The following NBAS variants were observed in gnomAD, a reference collection of about 807,000 sequenced individuals.
The protein encoded by NBAS is NAG/BC035112 fusion.
Under a neutral mutation model 302.5 loss-of-function variants are expected in NBAS, and 219 were observed. That is an observed-to-expected ratio of 0.72 (90% CI 0.65 to 0.81). The LOEUF (loss-of-function observed/expected upper bound fraction) is 0.81. NBAS is among the 30% of genes least tolerant of loss of function. The pLI is 0.00. For missense variants in NBAS, 2,932 were observed against 2,841.6 expected, an observed-to-expected ratio of 1.03 and a Z score of -0.72; for synonymous variants, 1,118 against 1,021.6, an observed-to-expected ratio of 1.09 and a Z score of -1.80.
the NBAS span, among the ~76,000 whole-genome samples, chr2:14,865,646 T>G: frequency 6.6e-6 from 1 of 152,214 alleles, no homozygotes; most frequent in Non-Finnish European, 1.5e-5. Context: ...ATTGTTTTGT[T>G]TTGTTCATTA....
intron 26 of NBAS, chr2:15,397,615 C>T (rs1470368435): frequency 5.0e-6 from 3 of 596,092 alleles, no homozygotes; most frequent in African/African-American, 1.9e-5. Flanking sequence ...CAAAGACGCT[C>T]GCTTCAGAAA....
chr2:14,818,174 G>C, the NBAS span, among the ~76,000 whole-genome samples: 1 of 152,198 alleles, frequency 6.6e-6, no homozygotes, highest in South Asian at 2.1e-4. Context: ...ATGGAACCAT[G>C]GTTTCTTTAG....
chr2:14,784,187 G>A, the NBAS span, among the ~76,000 whole-genome samples: 19 of 152,080 alleles, frequency 1.2e-4, no homozygotes, highest in East Asian at 1.5e-3. Context: ...TTGTAAATTC[G>A]TTTGAGTTCA....
intron 22 of NBAS, among the ~76,000 whole-genome samples, chr2:15,426,107 C>G (rs770148397): frequency 6.6e-6 from 1 of 152,186 alleles, no homozygotes; most frequent in Non-Finnish European, 1.5e-5. Flanking sequence ...ATTTTATAAA[C>G]CTTTAGGTGT....
chr2:15,344,476 C>T (rs1054330311), intron 35 of NBAS, among the ~76,000 whole-genome samples: 10 of 152,052 alleles, frequency 6.6e-5, no homozygotes, highest in African/African-American at 2.4e-4. Context: ...AGGTGAATCC[C>T]GGAAATAGAC....
At chr2:15,078,507 G>A in the NBAS span, among the ~76,000 whole-genome samples, 13 of 152,286 alleles carry the variant, frequency 8.5e-5, no homozygotes, top group South Asian at 6.2e-4. Context: ...GAAAGGAAGC[G>A]CTTCCATTTG....
At chr2:14,959,967 G>T in the NBAS span, among the ~76,000 whole-genome samples, 1 of 152,066 alleles carries the variant, frequency 6.6e-6, no homozygotes, top group Admixed American at 6.5e-5. Context: ...CTGTTTCCTT[G>T]GTAGCCCTGA....
At chr2:15,106,986 G>C in the NBAS span, among the ~76,000 whole-genome samples, 1 of 152,144 alleles carries the variant, frequency 6.6e-6, no homozygotes, top group South Asian at 2.1e-4. Context: ...AGTTATTTGA[G>C]GGCTGCTTCC....
At chr2:15,024,076 T>A in the NBAS span, among the ~76,000 whole-genome samples, 1 of 152,050 alleles carries the variant, frequency 6.6e-6, no homozygotes, top group Non-Finnish European at 1.5e-5. Flanking sequence ...ACTCGGATAG[T>A]CATAGTACCC....
In NBAS at chr2:15,447,633, A is replaced by C. The variant is rs115858864; in HGVS notation, c.2339+13568T>G. 2.8e-3 allele frequency among the ~76,000 whole-genome samples: 432 copies of C among 152,322 alleles called. 2 individuals carry two copies. The highest frequency in any genetic ancestry group is 0.01 in the Middle Eastern group (3 of 294). On this transcript the variant is annotated intron_variant, in intron 21 of 51. Coordinates refer to ENST00000281513, the MANE Select transcript of NBAS (RefSeq NM_015909.4). ...ATTTTCCCGTATCCATAATTCAATT[A>C]AAAGTGAAATTTAAAACCTCAACTT...
the NBAS span, among the ~76,000 whole-genome samples, chr2:15,013,728 G>T: frequency 2.0e-5 from 3 of 152,152 alleles, no homozygotes; most frequent in Admixed American, 6.5e-5. Flanking sequence ...AGGCTGCAGT[G>T]AGCTGAGATC....
intron 36 of NBAS, among the ~76,000 whole-genome samples, chr2:15,328,883 C>T (rs1238747138): frequency 6.6e-6 from 1 of 152,164 alleles, no homozygotes; most frequent in East Asian, 1.9e-4. Context: ...AGGGTCCTGC[C>T]ATGCCGACTG....
the NBAS span, among the ~76,000 whole-genome samples, chr2:15,034,276 G>GAC: frequency 1.2e-5 from 1 of 81,892 alleles, no homozygotes; most frequent in East Asian, 2.8e-4. Flanking sequence ...AAGAAAGAAA[G>GAC]AGAGAAAGAA....
chr2:15,500,176 A>T (rs1267344788), intron 11 of NBAS, among the ~76,000 whole-genome samples: 1 of 152,212 alleles, frequency 6.6e-6, no homozygotes, highest in Non-Finnish European at 1.5e-5. Flanking sequence ...TAATAGAATT[A>T]AAAATGAGTG....
chr2:15,232,392 A>C (rs749332306), intron 47 of NBAS, 30 bp downstream of exon 47: 2 of 1,596,260 alleles, frequency 1.3e-6, no homozygotes, highest in South Asian at 1.1e-5. Flanking sequence ...AAGCCAGTTA[A>C]TGAAGATGCA....
chr2:14,952,132 T>A, the NBAS span, among the ~76,000 whole-genome samples: 1 of 152,182 alleles, frequency 6.6e-6, no homozygotes, highest in Admixed American at 6.5e-5. Context: ...GCTCAGGGGA[T>A]CCTCTGACTT....
chr2:15,082,555 C>T, the NBAS span, among the ~76,000 whole-genome samples: 9 of 152,130 alleles, frequency 5.9e-5, no homozygotes, highest in African/African-American at 1.9e-4. Context: ...CCCAGCACTC[C>T]TACTTGGTTA....
At chr2:15,473,119 A>G in intron 16 of NBAS, 103 bp downstream of exon 16, 2 of 1,304,148 alleles carry the variant, frequency 1.5e-6, no homozygotes, top group Non-Finnish European at 2.2e-6. Context: ...TGGCTGTATT[A>G]TAGAAAAGTC....
At chr2:14,990,137 G>A in the NBAS span, among the ~76,000 whole-genome samples, 1 of 151,564 alleles carries the variant, frequency 6.6e-6, no homozygotes, top group Non-Finnish European at 1.5e-5. Flanking sequence ...AACAGGCCAG[G>A]TGCAGTGGCT....
Sources: allele counts gnomAD v4.1 joint callset (sites outside exome capture counted in the v4.1 genomes callset), GRCh38; gene constraint gnomAD v4.1.1; transcripts MANE v1.5; gene names NCBI Gene and HGNC (gene_info 2026-07-23, HGNC 2026-07-21).